Variants in C8orf74 observed in about 807,000 individuals in gnomAD.
The protein encoded by C8orf74 is uncharacterized protein C8orf74.
Under a neutral mutation model 22.2 loss-of-function variants are expected in C8orf74, and 29 were observed. The observed-to-expected ratio is 1.31, with a 90% CI of 0.97 to 1.78. The LOEUF is 1.78. Ranked by LOEUF, C8orf74 falls within the 40% of genes most tolerant of loss-of-function variation. C8orf74 has a pLI of 0.00. For missense variants in C8orf74, 515 were observed against 369.9 expected (o/e 1.39, Z -3.22); for synonymous variants, 255 against 163.1 (o/e 1.56, Z -4.30).
chr8:10,691,262 G>C (rs1482475995), intron 2 of C8orf74: 1 of 246,236 alleles, frequency 4.1e-6, no homozygotes, highest in Non-Finnish European at 8.4e-6. Context: ...GGCCACAGTG[G>C]GGCATCGGCC....
In C8orf74 at chr8:10,700,152, G is replaced by A. The variant is rs186456612; in HGVS notation, c.649-83G>A. ...ACGGATGGACAGTGGACACATTCTC[G>A]TACCTGCAACAGGGGCTGAGTTGAG... On this transcript the variant is annotated intron_variant, in intron 3 of 3. Transcript: ENST00000304519. The A allele has an allele frequency of 2.8e-4, 250 of 879,634 alleles. 1 individual carries two copies. In the African/African-American group the frequency reaches 3.8e-3, roughly 13 times the overall value. The allele number at this position is 879,634 out of a possible 1,614,324, so 54.5% of individuals were successfully genotyped here. A position where few individuals can be genotyped will look rare whatever the true frequency, so the allele number is the denominator to read the frequency against.
intron 2 of C8orf74, chr8:10,687,340 C>A (rs1261761411): frequency 3.2e-6 from 1 of 313,258 alleles, no homozygotes; most frequent in Non-Finnish European, 6.4e-6. Context: ...TATTAAAAGT[C>A]TTGCATAATA....
chr8:10,674,917 A>G, intron 2 of C8orf74, 79 bp downstream of exon 2: 1 of 1,233,534 alleles, frequency 8.1e-7, no homozygotes, highest in Non-Finnish European at 1.1e-6. Flanking sequence ...TGCCGTCCAC[A>G]GCCCCAGCAG....
chr8:10,700,203 C>T (rs1314172218), intron 3 of C8orf74, 32 bp from the exon 4 acceptor site: 1 of 1,463,524 alleles, frequency 6.8e-7, no homozygotes, highest in South Asian at 1.2e-5. Flanking sequence ...GGCTCCCCAG[C>T]CCTGCTCATC....
At chr8:10,675,136 A>C (rs147001957) in intron 2 of C8orf74, among the ~76,000 whole-genome samples, 145 of 152,376 alleles carry the variant, frequency 9.5e-4, no homozygotes, top group African/African-American at 3.4e-3. Flanking sequence ...TGCTTAACAT[A>C]AATCAAATGT....
At chr8:10,699,092 CTA>C (rs780806934) in intron 3 of C8orf74, among the ~76,000 whole-genome samples, 1 of 152,230 alleles carries the variant, frequency 6.6e-6, no homozygotes, top group African/African-American at 2.4e-5. Context: ...ACGCAACAGT[CTA>C]TGTCTCTGGC....
intron 2 of C8orf74, chr8:10,688,717 G>A (rs1799313887): frequency 1.3e-5 from 2 of 152,342 alleles, no homozygotes; most frequent in Admixed American, 6.5e-5. Flanking sequence ...GAGGTCAGGA[G>A]GGATGCAGCT....
At chr8:10,686,122 TACA>T (rs1190738661) in intron 2 of C8orf74, among the ~76,000 whole-genome samples, 1 of 152,194 alleles carries the variant, frequency 6.6e-6, no homozygotes, top group Non-Finnish European at 1.5e-5. Context: ...TTATGTATAT[TACA>T]ACAATTGAAA....
In C8orf74 at chr8:10,700,525, A is replaced by G; in HGVS notation, c.*54A>G. On this transcript the variant is annotated 3_prime_UTR_variant, in exon 4 of 4. Transcript: ENST00000304519. Reference sequence around the variant, plus strand: ...TGGGGACCAGCCACCCATAACCATGAGCCTTGCGGCACGGTGAGCTCAGCA... The same window carrying G: ...TGGGGACCAGCCACCCATAACCATGGGCCTTGCGGCACGGTGAGCTCAGCA... The G allele has an allele frequency of 8.4e-7, 1 of 1,192,906 alleles. No homozygotes were observed. The highest frequency in any genetic ancestry group is 1.2e-6 in the Non-Finnish European group (1 of 858,126). 73.9% of individuals were successfully genotyped at this position (1,192,906 alleles called of 1,614,324 possible). A position where few individuals can be genotyped will look rare whatever the true frequency, so the allele number is the denominator to read the frequency against.
At chr8:10,694,921 T>TGGGTGGAC (rs1799457687) in intron 2 of C8orf74, among the ~76,000 whole-genome samples, 1 of 151,410 alleles carries the variant, frequency 6.6e-6, no homozygotes, top group Non-Finnish European at 1.5e-5. Context: ...GGTGGACGGA[T>TGGGTGGAC]GGATGGATGG....
chr8:10,694,346 G>T (rs1774661966), intron 2 of C8orf74, among the ~76,000 whole-genome samples: 1 of 152,148 alleles, frequency 6.6e-6, no homozygotes, highest in Non-Finnish European at 1.5e-5. Context: ...AAACTGAAAA[G>T]TATCTGAGAC....
chr8:10,681,690 T>C (rs1353666535), intron 2 of C8orf74, among the ~76,000 whole-genome samples: 1 of 152,300 alleles, frequency 6.6e-6, no homozygotes, highest in South Asian at 2.1e-4. Context: ...TTCATCATCA[T>C]CACGCGTGGC....
chr8:10,693,572 A>C (rs1799428776), intron 2 of C8orf74, among the ~76,000 whole-genome samples: 2 of 152,208 alleles, frequency 1.3e-5, no homozygotes, highest in Admixed American at 1.3e-4. Context: ...TCCTGTACAC[A>C]AATCCCAATG....
chr8:10,695,554 T>A (rs576547944), intron 2 of C8orf74, among the ~76,000 whole-genome samples: 1 of 152,194 alleles, frequency 6.6e-6, no homozygotes, highest in Non-Finnish European at 1.5e-5. Context: ...AAGACCATGA[T>A]GTCTCCACCC....
rs76677929 is a variant in C8orf74 at position 10,673,370 on chromosome 8, C to T, written c.48+657C>T. On this transcript the variant is annotated intron_variant, in intron 1 of 3. Transcript: ENST00000304519. ...AACTCTCAAGTAAAATGGGTTTTTA[C>T]TTCTAGGCAGGGAAAAAAGTTTACC... 2.0e-5 allele frequency among the ~76,000 whole-genome samples: 3 copies of T among 152,260 alleles called. No homozygotes were observed. In the East Asian group the frequency reaches 5.8e-4, roughly 29 times the overall value.
intron 2 of C8orf74, among the ~76,000 whole-genome samples, chr8:10,683,913 T>C (rs1234318779): frequency 2.0e-5 from 3 of 152,198 alleles, no homozygotes; most frequent in African/African-American, 7.2e-5. Context: ...GCTGCCTCTT[T>C]GAGCCTTCCA....
At chr8:10,683,860 C>T (rs751077231) in intron 2 of C8orf74, among the ~76,000 whole-genome samples, 11 of 152,182 alleles carry the variant, frequency 7.2e-5, no homozygotes, top group African/African-American at 1.7e-4. Context: ...TGCCAGTGAG[C>T]GGCCGGTGCT....
At chr8:10,689,808 G>C (rs552025760) in intron 2 of C8orf74, 1 of 152,216 alleles carries the variant, frequency 6.6e-6, no homozygotes, top group Non-Finnish European at 1.5e-5. Context: ...CCTTCATTAA[G>C]CGGAAGTGGA....
At chr8:10,696,356 T>A (rs1269262254) in intron 2 of C8orf74, among the ~76,000 whole-genome samples, 1 of 152,026 alleles carries the variant, frequency 6.6e-6, no homozygotes, top group Non-Finnish European at 1.5e-5. Flanking sequence ...CTCTGCAACA[T>A]GAGCCACCAG....
Sources: gnomAD v4.1 joint callset for allele counts (sites outside exome capture counted in the v4.1 genomes callset) on GRCh38, gnomAD v4.1.1 for gene constraint, MANE v1.5 for transcripts, NCBI Gene and HGNC (gene_info 2026-07-23, HGNC 2026-07-21) for gene names.